The following LIMCH1 variants were observed in gnomAD, a reference collection of about 807,000 sequenced individuals.
LIMCH1 encodes the protein LIM and calponin homology domains 1.
A neutral mutation model predicts 176.5 loss-of-function variants in LIMCH1; 113 were observed. That is an observed-to-expected ratio of 0.64 (90% CI 0.55 to 0.75). The LOEUF (loss-of-function observed/expected upper bound fraction) is 0.75, where lower values mean the gene tolerates loss of function less well. LIMCH1 is among the 30% of genes least tolerant of loss of function. LIMCH1 has a pLI of 0.00. For missense variants in LIMCH1, 1,674 were observed against 1,814.9 expected (o/e 0.92, Z 1.41); for synonymous variants, 619 against 645.9 (o/e 0.96, Z 0.63).
Position 41,695,292 on chromosome 4 carries a change from A to G in LIMCH1, c.4379-1868A>G, listed in dbSNP as rs550126221. On this transcript the variant is annotated intron_variant, in intron 31 of 31. Coordinates refer to ENST00000503057, the MANE Select transcript of LIMCH1 (RefSeq NM_001330672.2). ...TTAGGAAAACTCTCATTTAAAGTGT[A>G]TAAATAAATTTAGCTGAGATTTCTT... is the stretch of plus-strand genomic sequence containing the variant. Among the ~76,000 whole-genome samples, 4 of 151,312 alleles carry G rather than the reference A, an allele frequency of 2.6e-5. No individual in the cohort carries two copies. The East Asian group carries it at 7.7e-4, about 29-fold the overall frequency.
chr4:41,523,151 A>G (rs2076287736), intron 2 of LIMCH1, among the ~76,000 whole-genome samples: 1 of 152,208 alleles, frequency 6.6e-6, no homozygotes, highest in African/African-American at 2.4e-5. Flanking sequence ...AGACTATTAA[A>G]CCATTTGAAA....
intron 13 of LIMCH1, among the ~76,000 whole-genome samples, chr4:41,638,104 TGTTGTTGTTG>T (rs749004732): frequency 7.2e-6 from 1 of 139,380 alleles, no homozygotes; most frequent in African/African-American, 2.8e-5. Flanking sequence ...TGTGTTGTTT[TGTTGTTGTTG>T]TTGTTGTTGT....
intron 1 of LIMCH1, among the ~76,000 whole-genome samples, chr4:41,440,611 C>T (rs1374841984): frequency 6.6e-6 from 1 of 152,174 alleles, no homozygotes; most frequent in African/African-American, 2.4e-5. Context: ...TGGCTTACTG[C>T]AACCTCCACC....
chr4:41,426,248 C>T (rs1298727734), intron 1 of LIMCH1, among the ~76,000 whole-genome samples: 1 of 151,874 alleles, frequency 6.6e-6, no homozygotes, highest in African/African-American at 2.4e-5. Context: ...GTCTCGATCT[C>T]CTGACCTCGT....
chr4:41,581,479 A>G (rs1316569818), intron 1 of LIMCH1, among the ~76,000 whole-genome samples: 2 of 151,494 alleles, frequency 1.3e-5, no homozygotes, highest in Non-Finnish European at 2.9e-5. Flanking sequence ...CCCCAATTCT[A>G]CTCTCTGCTT....
intron 10 of LIMCH1, 80 bp from the exon 11 acceptor site, chr4:41,632,669 T>C: frequency 9.0e-7 from 1 of 1,114,146 alleles, no homozygotes; most frequent in South Asian, 1.3e-5. Context: ...AATCTTTCAG[T>C]CCCAAGGACT....
chr4:41,436,312 A>T (rs980998942), intron 1 of LIMCH1, among the ~76,000 whole-genome samples: 51 of 152,166 alleles, frequency 3.4e-4, no homozygotes, highest in African/African-American at 1.2e-3. Flanking sequence ...GAACATGAGT[A>T]TACCTCCAGT....
intron 1 of LIMCH1, among the ~76,000 whole-genome samples, chr4:41,592,568 A>G (rs929329264): frequency 2.0e-5 from 3 of 152,068 alleles, no homozygotes; most frequent in African/African-American, 7.2e-5. Flanking sequence ...CGCATCTTCC[A>G]TGGTCCTTTC....
At chr4:41,536,564 T>C (rs542914132), upstream of LIMCH1, among the ~76,000 whole-genome samples, 8 of 152,350 alleles carry the variant, frequency 5.3e-5, no homozygotes, top group Non-Finnish European at 7.3e-5. Flanking sequence ...GGATGATTGA[T>C]ATAATGTTAT....
intron 1 of LIMCH1, among the ~76,000 whole-genome samples, chr4:41,592,431 A>G (rs1472045755): frequency 2.0e-5 from 3 of 152,146 alleles, no homozygotes. Flanking sequence ...CTGGTGGTTA[A>G]TAACAACTAA....
chr4:41,506,598 A>G (rs915965919), intron 2 of LIMCH1, among the ~76,000 whole-genome samples: 3 of 152,226 alleles, frequency 2.0e-5, no homozygotes, highest in African/African-American at 7.2e-5. Context: ...TAAAACCAAC[A>G]AAGATTTAAT....
At chr4:41,462,598 G>A (rs1474476838) in intron 1 of LIMCH1, among the ~76,000 whole-genome samples, 1 of 152,202 alleles carries the variant, frequency 6.6e-6, no homozygotes, top group Non-Finnish European at 1.5e-5. Context: ...AAAAGCATAC[G>A]TAAGTCATCA....
rs546738116 is a variant in LIMCH1 at position 41,398,984 on chromosome 4, A to G, written c.96+38048A>G. Among the ~76,000 whole-genome samples the G allele has an allele frequency of 4.3e-4, 65 of 152,306 alleles. No homozygotes were observed. In the South Asian group the frequency reaches 7.1e-3, roughly 17 times the overall value. The stretch of plus-strand genomic sequence containing the variant: ...TTTGTGTTGTGGTGTCCAGAAACAT[A>G]AAAGGAGAATTCTATGAAAAGATTT... On this transcript the variant is annotated intron_variant, in intron 1 of 26. Transcript: ENST00000313860.
At chr4:41,450,869 A>G (rs1297086092) in intron 1 of LIMCH1, among the ~76,000 whole-genome samples, 4 of 151,306 alleles carry the variant, frequency 2.6e-5, no homozygotes, top group Non-Finnish European at 5.9e-5. Context: ...ACATACTTGA[A>G]TTTGTCTAAG....
chr4:41,490,978 C>G (rs2070760644), intron 1 of LIMCH1, among the ~76,000 whole-genome samples: 1 of 148,206 alleles, frequency 6.7e-6, no homozygotes, highest in African/African-American at 2.5e-5. Flanking sequence ...GACGGGGCGG[C>G]CGGGCAGAGG....
At position 41,699,414 on chromosome 4, in the gene LIMCH1, T is replaced by C. The variant is rs1000329261; in HGVS notation, c.*2229T>C. The C allele has an allele frequency of 6.6e-6, 1 of 152,238 alleles. No homozygotes were observed. The highest frequency in any genetic ancestry group is 1.5e-5 in the Non-Finnish European group (1 of 68,048). The allele number at this position is 152,238 out of a possible 1,614,324, so 9.4% of individuals were successfully genotyped here. ...CAGCACAGAATAATCTCCAACATTTTCTAAATTCTAATTGCCAACTGTTTC... is the reference window on the plus strand; with the variant it reads ...CAGCACAGAATAATCTCCAACATTTCCTAAATTCTAATTGCCAACTGTTTC... On this transcript the variant is annotated 3_prime_UTR_variant, in exon 32 of 32. Transcript: ENST00000503057.
chr4:41,627,969 T>C lies in LIMCH1; in HGVS notation c.1028+959T>C, dbSNP rs904052301. On this transcript the variant is annotated intron_variant, in intron 8 of 31. Transcript: ENST00000503057. ...TTGTTGAGCTCAGGGGAGTAGTTGG[T>C]CTTTTTGATTTTTCTTAGGAAGTAC... Among the ~76,000 whole-genome samples the C allele has an allele frequency of 1.1e-4, 16 of 152,174 alleles. 1 individual carries two copies. Among genetic ancestry groups the C allele is most frequent in the African/African-American group, 3.9e-4 (16 of 41,438 alleles).
intron 1 of LIMCH1, among the ~76,000 whole-genome samples, chr4:41,450,760 A>C (rs1285438333): frequency 7.2e-6 from 1 of 138,252 alleles, no homozygotes; most frequent in Non-Finnish European, 1.5e-5. Flanking sequence ...ACACCACTTC[A>C]CTCTAACCTG....
At chr4:41,414,522 G>A (rs749248893) in intron 1 of LIMCH1, among the ~76,000 whole-genome samples, 66 of 152,174 alleles carry the variant, frequency 4.3e-4, no homozygotes, top group Non-Finnish European at 6.2e-4. Context: ...TGACTTGGCC[G>A]CAGCTAAGAC....
Sources: gnomAD v4.1 joint callset for allele counts (sites outside exome capture counted in the v4.1 genomes callset) on GRCh38, gnomAD v4.1.1 for gene constraint, MANE v1.5 for transcripts, NCBI Gene and HGNC (gene_info 2026-07-23, HGNC 2026-07-21) for gene names.